The following PARD3 variants were observed in gnomAD, a reference collection of about 807,000 sequenced individuals.
PARD3 encodes par-3 family cell polarity regulator, also known as partitioning defective 3 homolog.
Under a neutral mutation model 155.4 loss-of-function variants are expected in PARD3, and 75 were observed. The observed-to-expected ratio is 0.48, with a 90% CI of 0.40 to 0.58. PARD3 has a LOEUF of 0.58. Ranked by LOEUF, PARD3 falls within the 20% of genes least tolerant of loss-of-function variation. The pLI is 0.00. For synonymous variants in PARD3, 576 were observed against 610.5 expected, an observed-to-expected ratio of 0.94 and a Z score of 0.83; for missense variants, 1,642 against 1,721.7, an observed-to-expected ratio of 0.95 and a Z score of 0.82.
intron 1 of PARD3, among the ~76,000 whole-genome samples, chr10:34,713,680 C>T (rs537372667): frequency 2.4e-4 from 37 of 152,172 alleles, no homozygotes; most frequent in African/African-American, 6.7e-4. Flanking sequence ...GTAGGAGGAT[C>T]GCTTGAGCCC....
intron 1 of PARD3, among the ~76,000 whole-genome samples, chr10:34,718,047 G>C (rs185215531): frequency 8.4e-4 from 127 of 151,614 alleles, no homozygotes; most frequent in Non-Finnish European, 1.2e-3. Context: ...CCAGCTACTT[G>C]GGAGGCTGAG....
intron 22 of PARD3, among the ~76,000 whole-genome samples, chr10:34,156,638 C>T (rs1949017435): frequency 6.6e-6 from 1 of 152,198 alleles, no homozygotes; most frequent in African/African-American, 2.4e-5. Flanking sequence ...ACTTCACTTG[C>T]ATGAGAAAGT....
intron 5 of PARD3, among the ~76,000 whole-genome samples, chr10:34,429,854 G>A (rs995902380): frequency 6.6e-6 from 1 of 152,078 alleles, no homozygotes; most frequent in Non-Finnish European, 1.5e-5. Context: ...CAAAGTGCTG[G>A]GATTACAGGC....
At chr10:34,271,228 C>T (rs981430769) in intron 21 of PARD3, among the ~76,000 whole-genome samples, 1 of 151,788 alleles carries the variant, frequency 6.6e-6, no homozygotes, top group Non-Finnish European at 1.5e-5. Context: ...ATAAAGACAG[C>T]AGCAAAGAAA....
At chr10:34,132,233 C>T (rs549465121) in intron 22 of PARD3, among the ~76,000 whole-genome samples, 63 of 152,280 alleles carry the variant, frequency 4.1e-4, no homozygotes, top group African/African-American at 1.4e-3. Flanking sequence ...AATAACAATA[C>T]GGCCTTCTTT....
intron 2 of PARD3, among the ~76,000 whole-genome samples, chr10:34,671,725 G>A (rs960935195): frequency 6.6e-6 from 1 of 152,180 alleles, no homozygotes; most frequent in African/African-American, 2.4e-5. Context: ...CACAGTTAAT[G>A]TAAGTTGTTC....
chr10:34,690,541 G>C (rs570666167), intron 2 of PARD3, among the ~76,000 whole-genome samples: 2 of 152,232 alleles, frequency 1.3e-5, no homozygotes, highest in Admixed American at 1.3e-4. Flanking sequence ...TGAGTCCATT[G>C]AGTTCAGCAT....
At chr10:34,270,392 C>T (rs983746612) in intron 21 of PARD3, among the ~76,000 whole-genome samples, 3 of 152,116 alleles carry the variant, frequency 2.0e-5, no homozygotes, top group African/African-American at 4.8e-5. Context: ...ATCCTCCTGC[C>T]TCAGCCTCCC....
In PARD3 at chr10:34,169,916, C is replaced by T. The variant is rs946299644; in HGVS notation, c.3420-38333G>A. Among the ~76,000 whole-genome samples, 33 of 152,096 alleles carry T rather than the reference C, an allele frequency of 2.2e-4. 1 individual carries two copies. Among genetic ancestry groups the T allele is most frequent in the Non-Finnish European group, 1.0e-4 (7 of 68,010 alleles). On this transcript the variant is annotated intron_variant, in intron 22 of 24. Transcript: ENST00000374788. ...CCCTGCAGGATGTATCTGCAGGGTG[C>T]CCAGCAAAGAGGAGCCCAGATTGTA...
chr10:34,502,840 G>A (rs2080808889), intron 3 of PARD3, among the ~76,000 whole-genome samples: 1 of 152,134 alleles, frequency 6.6e-6, no homozygotes, highest in South Asian at 2.1e-4. Flanking sequence ...CTTAGACAAG[G>A]GGGAGAAGTG....
chr10:34,602,464 G>A (rs1002822839), intron 2 of PARD3, among the ~76,000 whole-genome samples: 5 of 152,124 alleles, frequency 3.3e-5, no homozygotes, highest in African/African-American at 1.2e-4. Context: ...AATCCATGCT[G>A]GATGTCAACT....
chr10:34,621,213 T>G (rs978149237), intron 2 of PARD3, among the ~76,000 whole-genome samples: 33 of 152,136 alleles, frequency 2.2e-4, no homozygotes, highest in African/African-American at 5.6e-4. Context: ...GGGGGTTTTT[T>G]TTGTTGTTGT....
chr10:34,182,261 C>A (rs1408684568), intron 22 of PARD3, among the ~76,000 whole-genome samples: 1 of 152,178 alleles, frequency 6.6e-6, no homozygotes, highest in Non-Finnish European at 1.5e-5. Context: ...GCCTCATTAG[C>A]ATCATCTGTC....
chr10:34,327,636 T>C (rs1835171536), intron 19 of PARD3, among the ~76,000 whole-genome samples: 1 of 152,218 alleles, frequency 6.6e-6, no homozygotes, highest in African/African-American at 2.4e-5. Flanking sequence ...TCTCTGTTCC[T>C]GCTGACCTCC....
rs114456833 is a variant in PARD3 at position 34,723,376 on chromosome 10, A to T, written c.121-26957T>A. ...CATGTATCCAGTAAAATCATACGAG[A>T]AAAAGGCCACCAATGATGGCTGAAA... On this transcript the variant is annotated intron_variant, in intron 1 of 24. Coordinates refer to ENST00000374788, the MANE Select transcript of PARD3 (RefSeq NM_001184785.2). Among the ~76,000 whole-genome samples, 327 of 152,294 alleles carry T rather than the reference A, an allele frequency of 2.1e-3. 4 individuals are homozygous for T. The highest frequency in any genetic ancestry group is 7.0e-3 in the African/African-American group (292 of 41,558).
chr10:34,325,668 C>T (rs1187748104), intron 19 of PARD3, among the ~76,000 whole-genome samples: 2 of 152,134 alleles, frequency 1.3e-5, no homozygotes, highest in Admixed American at 6.5e-5. Flanking sequence ...AAATATCAGA[C>T]TTTAGGTACA....
chr10:34,456,719 C>A (rs1218167857), intron 4 of PARD3, among the ~76,000 whole-genome samples: 1 of 152,162 alleles, frequency 6.6e-6, no homozygotes, highest in Non-Finnish European at 1.5e-5. Flanking sequence ...AATATCCTAA[C>A]ATATATATCA....
At chr10:34,451,278 G>T (rs1317741317) in intron 4 of PARD3, among the ~76,000 whole-genome samples, 1 of 152,072 alleles carries the variant, frequency 6.6e-6, no homozygotes, top group Non-Finnish European at 1.5e-5. Context: ...AAACTTTTTA[G>T]TTCAAAGACG....
At chr10:34,469,539 C>T (rs2078220196) in intron 4 of PARD3, among the ~76,000 whole-genome samples, 1 of 152,158 alleles carries the variant, frequency 6.6e-6, no homozygotes, top group Admixed American at 6.5e-5. Context: ...AACACACTTC[C>T]ATTTACAAGG....
Sources: allele counts gnomAD v4.1 joint callset (sites outside exome capture counted in the v4.1 genomes callset), GRCh38; gene constraint gnomAD v4.1.1; transcripts MANE v1.5; gene names NCBI Gene and HGNC (gene_info 2026-07-23, HGNC 2026-07-21).